The following ZNF124 variants were observed in gnomAD, a reference collection of about 807,000 sequenced individuals.
ZNF124 encodes the protein zinc finger protein 124, also known as zinc finger protein HZF-16.
Under a neutral mutation model 26.6 loss-of-function variants are expected in ZNF124, and 25 were observed. The ratio of observed to expected loss-of-function variants is 0.94; its 90% CI spans 0.68 to 1.31. The LOEUF (loss-of-function observed/expected upper bound fraction) is 1.31. Among genes scored for constraint, ZNF124 ranks in the 40% most tolerant of loss-of-function variants. ZNF124 has a pLI of 0.00. For synonymous variants in ZNF124, 129 were observed against 133.3 expected (o/e 0.97, Z 0.22); for missense variants, 444 against 422.2 (o/e 1.05, Z -0.45).
downstream of ZNF124, among the ~76,000 whole-genome samples, chr1:247,152,409 G>A (rs1572076528): frequency 6.6e-6 from 1 of 151,524 alleles, no homozygotes; most frequent in Admixed American, 6.6e-5. Flanking sequence ...AAAGAAAACA[G>A]AGTAGGTATT....
At chr1:247,146,105 C>T (rs1340230976) in intron 3 of ZNF124, among the ~76,000 whole-genome samples, 1 of 152,216 alleles carries the variant, frequency 6.6e-6, no homozygotes, top group East Asian at 1.9e-4. Context: ...CCACCCCACT[C>T]AGGTTCCGCA....
In ZNF124 at chr1:247,156,664, A is replaced by G. The variant is rs1474263617; in HGVS notation, c.958T>C (p.Cys320Arg). 4 of 1,612,080 alleles carry G rather than the reference A, an allele frequency of 2.5e-6. No individual in the cohort carries two copies. In the South Asian group the frequency reaches 4.4e-5, roughly 18 times the overall value. Residue 320 changes from cysteine to arginine, a missense_variant, in exon 4 of 4, where the codon TGT becomes CGT. Cys to Arg is a radical substitution (Grantham distance 180). Coordinates refer to ENST00000543802, the MANE Select transcript of ZNF124 (RefSeq NM_001297568.2). ...RTHTGEKPYE[C>R]QKCGKAFSRA... Reference sequence around the variant, plus strand: ...CTAAAGGCTTTGCCACATTTCTGACATTCATAGGGTTTCTCTCCAGTATGA... The same window carrying G: ...CTAAAGGCTTTGCCACATTTCTGACGTTCATAGGGTTTCTCTCCAGTATGA...
At chr1:247,147,815 A>T (rs1011568093) in intron 3 of ZNF124, among the ~76,000 whole-genome samples, 1 of 152,168 alleles carries the variant, frequency 6.6e-6, no homozygotes, top group Admixed American at 6.5e-5. Flanking sequence ...ACAAACACAT[A>T]CAACAAAATT....
At position 247,156,433 on chromosome 1, in the gene ZNF124, C is replaced by T. The variant is rs988470287; in HGVS notation, c.*133G>A. Reference sequence around the variant, plus strand: ...TATTGCTTATAGTCATAGGGTTTATCTCCAGTTTGATTCGTTTCATGTATT... The same window carrying T: ...TATTGCTTATAGTCATAGGGTTTATTTCCAGTTTGATTCGTTTCATGTATT... On this transcript the variant is annotated 3_prime_UTR_variant, in exon 4 of 4. Transcript: ENST00000543802. 8.2e-6 allele frequency: 11 copies of T among 1,340,182 alleles called. No individual in the cohort carries two copies. The African/African-American group carries it at 1.4e-4, about 16-fold the overall frequency. The allele number at this position is 1,340,182 out of a possible 1,614,324, so 83.0% of individuals were successfully genotyped here. A position where few individuals can be genotyped will look rare whatever the true frequency, so the allele number is the denominator to read the frequency against.
intron 1 of ZNF124, among the ~76,000 whole-genome samples, chr1:247,162,130 A>G (rs1673515378): frequency 2.6e-5 from 4 of 152,228 alleles, no homozygotes; most frequent in Admixed American, 2.6e-4. Flanking sequence ...CTAAATATGG[A>G]AAGATCATTA....
chr1:247,151,892 A>G (rs1672956780), downstream of ZNF124, among the ~76,000 whole-genome samples: 1 of 152,078 alleles, frequency 6.6e-6, no homozygotes, highest in African/African-American at 2.4e-5. Flanking sequence ...AAAGCCATGT[A>G]CAAAAGGGCT....
chr1:247,162,121 T>G (rs548151895), intron 1 of ZNF124, among the ~76,000 whole-genome samples: 2 of 152,242 alleles, frequency 1.3e-5, no homozygotes, highest in Non-Finnish European at 2.9e-5. Flanking sequence ...AAGGTAGTGC[T>G]AAATATGGAA....
At chr1:247,147,169 T>G (rs1008103870) in intron 3 of ZNF124, among the ~76,000 whole-genome samples, 8 of 151,708 alleles carry the variant, frequency 5.3e-5, no homozygotes, top group Admixed American at 4.6e-4. Flanking sequence ...TAGCAAGTTT[T>G]TTTTTTTTTT....
intron 3 of ZNF124, among the ~76,000 whole-genome samples, chr1:247,124,541 C>A (rs1672161618): frequency 6.6e-6 from 1 of 152,154 alleles, no homozygotes; most frequent in East Asian, 1.9e-4. Context: ...AGTTGCCCAA[C>A]CATCATCACA....
At position 247,170,715 on chromosome 1, in the gene ZNF124, G is replaced by A. The variant is rs1287558519; in HGVS notation, c.30+1133C>T. Among the ~76,000 whole-genome samples the A allele has an allele frequency of 1.4e-5, 2 of 143,118 alleles. 1 individual carries two copies. Among genetic ancestry groups the A allele is most frequent in the South Asian group, 4.8e-4 (2 of 4,168 alleles). 93.9% of individuals were successfully genotyped at this position (143,118 alleles called of 152,430 possible). ...GGGTCCACGTGAGAGGGTCGTGATC[G>A]ATTGACCAAGCAGGGGGTACATAAC... On this transcript the variant is annotated intron_variant, in intron 1 of 3. Coordinates refer to ENST00000543802, the MANE Select transcript of ZNF124 (RefSeq NM_001297568.2).
intron 1 of ZNF124, 142 bp from the exon 2 acceptor site, chr1:247,159,955 CTTCCT>C (rs1553334990): frequency 1.5e-6 from 1 of 650,790 alleles, no homozygotes; most frequent in Non-Finnish European, 2.3e-6. Flanking sequence ...TCTGTCTACA[CTTCCT>C]TTCTCCCACA....
chr1:247,154,994 C>G lies in ZNF124; in HGVS notation c.*1572G>C. Among the ~76,000 whole-genome samples the G allele has an allele frequency of 6.6e-6, 1 of 152,196 alleles. No individual in the cohort carries two copies. Among genetic ancestry groups the G allele is most frequent in the Middle Eastern group, 3.2e-3 (1 of 316 alleles). ...ATGAACAGCAGGAAACTTTCTCAACCTGCTTTAAGGAATTTATTTTAAAAA... is the reference window on the plus strand; with the variant it reads ...ATGAACAGCAGGAAACTTTCTCAACGTGCTTTAAGGAATTTATTTTAAAAA... On this transcript the variant is annotated 3_prime_UTR_variant, in exon 4 of 4. Coordinates refer to ENST00000543802, the MANE Select transcript of ZNF124 (RefSeq NM_001297568.2).
chr1:247,159,083 G>A lies in ZNF124; in HGVS notation c.158-17C>T, dbSNP rs1224201740. On this transcript the variant is annotated splice_polypyrimidine_tract_variant and intron_variant, in intron 2 of 3. Transcript: ENST00000543802. ...CTTTGTTTCCTAAAATGTAGACCCA[G>A]AAATATATTACAAATTATTTGAAAT... 1 of 1,600,990 alleles carries A rather than the reference G, an allele frequency of 6.2e-7. No homozygotes were observed. Among genetic ancestry groups the A allele is most frequent in the Non-Finnish European group, 8.5e-7 (1 of 1,174,062 alleles).
At chr1:247,164,885 G>T (rs937241186) in intron 1 of ZNF124, among the ~76,000 whole-genome samples, 2 of 151,998 alleles carry the variant, frequency 1.3e-5, no homozygotes, top group African/African-American at 4.8e-5. Context: ...AACCAAAACA[G>T]CATGGTAATG....
intron 3 of ZNF124, among the ~76,000 whole-genome samples, chr1:247,136,217 T>C (rs1296522330): frequency 2.6e-5 from 4 of 152,154 alleles, no homozygotes; most frequent in Admixed American, 2.6e-4. Context: ...GAAGTCTGTT[T>C]GTAGATGACA....
intron 3 of ZNF124, among the ~76,000 whole-genome samples, chr1:247,158,716 G>A (rs528197372): frequency 8.1e-4 from 122 of 151,546 alleles, no homozygotes; most frequent in African/African-American, 2.8e-3. Context: ...TGCAACCTCC[G>A]CCTCCCAGGT....
In ZNF124 at chr1:247,156,030, T is replaced by C; in HGVS notation, c.*536A>G. ...TTTCTTGAGAATTGTACTATAATTA[T>C]TTTCCATAAGGTTTTCCATAATATT... On this transcript the variant is annotated 3_prime_UTR_variant, in exon 4 of 4. Transcript: ENST00000543802. 1.0e-6 allele frequency: 1 copy of C among 961,078 alleles called. No homozygotes were observed. Among genetic ancestry groups the C allele is most frequent in the Non-Finnish European group, 1.2e-6 (1 of 807,886 alleles). The allele number at this position is 961,078 out of a possible 1,614,324, so 59.5% of individuals were successfully genotyped here.
downstream of ZNF124, among the ~76,000 whole-genome samples, chr1:247,151,334 C>T (rs1672932649): frequency 6.6e-6 from 1 of 152,024 alleles, no homozygotes; most frequent in African/African-American, 2.4e-5. Context: ...AAAAAATTAG[C>T]CGGGCGTGGT....
chr1:247,138,244 G>T (rs938565637), intron 3 of ZNF124: 1 of 151,978 alleles, frequency 6.6e-6, no homozygotes, highest in African/African-American at 2.4e-5. Context: ...AGAAAATGTG[G>T]TGTATATATA....
Sources: gnomAD v4.1 joint callset for allele counts (sites outside exome capture counted in the v4.1 genomes callset) on GRCh38, gnomAD v4.1.1 for gene constraint, MANE v1.5 for transcripts, NCBI Gene and HGNC (gene_info 2026-07-23, HGNC 2026-07-21) for gene names.